R3HDML: variants seen among roughly 807,000 people sequenced by gnomAD.
The protein encoded by R3HDML is R3H domain containing like.
Under a neutral mutation model 24.2 loss-of-function variants are expected in R3HDML, and 21 were observed. The ratio of observed to expected loss-of-function variants is 0.87; its 90% CI spans 0.62 to 1.25. The LOEUF is 1.25. Among genes scored for constraint, R3HDML ranks in the 50% most tolerant of loss-of-function variants. R3HDML has a pLI of 0.00. For missense variants in R3HDML, 301 were observed against 340.3 expected, an observed-to-expected ratio of 0.88 and a Z score of 0.91; for synonymous variants, 133 against 131.5, an observed-to-expected ratio of 1.01 and a Z score of -0.08.
Position 44,337,112 on chromosome 20 carries a change from C to T in R3HDML, c.-46C>T. 1 of 1,573,474 alleles carries T rather than the reference C, an allele frequency of 6.4e-7. No individual in the cohort carries two copies. The highest frequency in any genetic ancestry group is 8.7e-7 in the Non-Finnish European group (1 of 1,156,054). ...TCTCGTGCCTGCCCCTTCCAGGCAG[C>T]CGGCTCTGATTGCACAAGGCAGACC... On this transcript the variant is annotated 5_prime_UTR_variant, in exon 1 of 5. Transcript: ENST00000217043. This position sits in a 1 kb window ranked among gnomAD's most constrained non-coding sequence, Gnocchi z 4.7.
chr20:44,345,149 A>G, intron 3 of R3HDML, 114 bp from the exon 4 acceptor site: 1 of 803,268 alleles, frequency 1.2e-6, no homozygotes. Flanking sequence ...ACACCTTGGA[A>G]CAGGCAGACT....
In R3HDML at chr20:44,345,393, C is replaced by G; in HGVS notation, c.629+15C>G. On this transcript the variant is annotated intron_variant, in intron 4 of 4. Coordinates refer to ENST00000217043, the MANE Select transcript of R3HDML (RefSeq NM_178491.4). ...TATGCCATTAAGTAAGTGCCTGCAC[C>G]AAGGCAAAGAGGGCCCTGGGGCCGG... 6.3e-7 allele frequency: 1 copy of G among 1,593,706 alleles called. No homozygotes were observed. Among genetic ancestry groups the G allele is most frequent in the Admixed American group, 1.7e-5 (1 of 58,754 alleles).
chr20:44,342,447 C>T (rs943588942), intron 2 of R3HDML, among the ~76,000 whole-genome samples: 2 of 152,078 alleles, frequency 1.3e-5, no homozygotes, highest in Non-Finnish European at 2.9e-5. Flanking sequence ...ATTTCACTTT[C>T]CCTCTCCCCC....
At position 44,337,258 on chromosome 20, in the gene R3HDML, C is replaced by A; in HGVS notation, c.101C>A (p.Ala34Asp). The change falls in exon 1 of 5, where the codon GCC (alanine) becomes GAC (aspartate). Residue 34 changes from alanine to aspartate, a missense_variant. Ala to Asp is a moderately radical substitution (Grantham distance 126). Transcript: ENST00000217043. The surrounding 1 kb of genome is among the most constrained non-coding windows in gnomAD (Gnocchi z 4.7). ...LIMPNATPAP[A>D]QPESTAMRLL... is the part of the protein sequence containing the mutation. ...ATGCCTAATGCTACCCCAGCCCCGG[C>A]CCAGCCCGAGAGCACGGCTATGCGG... is the stretch of plus-strand genomic sequence containing the variant. 6.2e-7 allele frequency: 1 copy of A among 1,614,134 alleles called. No homozygotes were observed. Among genetic ancestry groups the A allele is most frequent in the Non-Finnish European group, 8.5e-7 (1 of 1,180,034 alleles).
In R3HDML at chr20:44,337,052, G is replaced by A. The variant is rs1332299002; in HGVS notation, c.-106G>A. ...GTTCCCAGGAGGCAGCATCCTCTGGGTCGGCACTGTTGGAGAACGCTCAGG... is the reference window on the plus strand; with the variant it reads ...GTTCCCAGGAGGCAGCATCCTCTGGATCGGCACTGTTGGAGAACGCTCAGG... On this transcript the variant is annotated 5_prime_UTR_variant, in exon 1 of 5. Coordinates refer to ENST00000217043, the MANE Select transcript of R3HDML (RefSeq NM_178491.4). The surrounding 1 kb of genome is among the most constrained non-coding windows in gnomAD (Gnocchi z 4.7). 2 of 1,399,532 alleles carry A rather than the reference G, an allele frequency of 1.4e-6. No homozygotes were observed. Among genetic ancestry groups the A allele is most frequent in the East Asian group, 4.6e-5 (2 of 43,124 alleles). 86.7% of individuals were successfully genotyped at this position (1,399,532 alleles called of 1,614,324 possible). A position where few individuals can be genotyped will look rare whatever the true frequency, so the allele number is the denominator to read the frequency against.
intron 2 of R3HDML, 28 bp downstream of exon 2, chr20:44,341,342 T>G (rs2062771902): frequency 6.5e-7 from 1 of 1,540,164 alleles, no homozygotes; most frequent in Non-Finnish European, 9.0e-7. Flanking sequence ...CTTCCTTCAC[T>G]CAGTCATTCA....
chr20:44,337,057 C>A lies in R3HDML; in HGVS notation c.-101C>A. ...CAGGAGGCAGCATCCTCTGGGTCGG[C>A]ACTGTTGGAGAACGCTCAGGGTCTG... On this transcript the variant is annotated 5_prime_UTR_variant, in exon 1 of 5. Coordinates refer to ENST00000217043, the MANE Select transcript of R3HDML (RefSeq NM_178491.4). The surrounding 1 kb of genome is among the most constrained non-coding windows in gnomAD (Gnocchi z 4.7). The A allele has an allele frequency of 4.9e-6, 7 of 1,435,344 alleles. No homozygotes were observed. Among genetic ancestry groups the A allele is most frequent in the Non-Finnish European group, 6.5e-6 (7 of 1,068,794 alleles). The allele number at this position is 1,435,344 out of a possible 1,614,324, so 88.9% of individuals were successfully genotyped here.
At chr20:44,342,093 G>C (rs1600599672) in intron 2 of R3HDML, among the ~76,000 whole-genome samples, 1 of 152,232 alleles carries the variant, frequency 6.6e-6, no homozygotes, top group Non-Finnish European at 1.5e-5. Flanking sequence ...GTAAAACAAA[G>C]TTGTTAGCCT....
chr20:44,350,916 T>C lies in R3HDML; in HGVS notation c.*124T>C, dbSNP rs536748079. On this transcript the variant is annotated 3_prime_UTR_variant, in exon 5 of 5. Transcript: ENST00000217043. Reference sequence around the variant, plus strand: ...TGAGTTAGAATCACCCCCTGTTGAATTTTCCCTCCTAGATCCCCTTCTTAA... The same window carrying C: ...TGAGTTAGAATCACCCCCTGTTGAACTTTCCCTCCTAGATCCCCTTCTTAA... 3.2e-5 allele frequency: 36 copies of C among 1,131,916 alleles called. 1 individual carries two copies. The African/African-American group carries it at 5.7e-4, about 18-fold the overall frequency. 70.1% of individuals were successfully genotyped at this position (1,131,916 alleles called of 1,614,324 possible).
At chr20:44,338,666 AC>A (rs1380131564) in intron 1 of R3HDML, among the ~76,000 whole-genome samples, 1 of 152,128 alleles carries the variant, frequency 6.6e-6, no homozygotes. Flanking sequence ...TCAATATCTC[AC>A]CAGGGACTCC....
At chr20:44,343,345 C>T (rs2062777056) in intron 2 of R3HDML, 32 bp from the exon 3 acceptor site, 2 of 1,606,064 alleles carry the variant, frequency 1.2e-6, no homozygotes, top group Admixed American at 3.4e-5. Context: ...CATCCTCTCA[C>T]CCAGCTTCTT....
chr20:44,337,767 A>G lies in R3HDML; in HGVS notation c.261+349A>G, dbSNP rs1384824097. Among the ~76,000 whole-genome samples the G allele has an allele frequency of 6.6e-6, 1 of 152,208 alleles. No individual in the cohort carries two copies. The highest frequency in any genetic ancestry group is 2.4e-5 in the African/African-American group (1 of 41,448). On this transcript the variant is annotated intron_variant, in intron 1 of 4. Coordinates refer to ENST00000217043, the MANE Select transcript of R3HDML (RefSeq NM_178491.4). This position sits in a 1 kb window ranked among gnomAD's most constrained non-coding sequence, Gnocchi z 4.7. The stretch of plus-strand genomic sequence containing the variant: ...ATTTGCCCAGCCAGGATTTCAATCC[A>G]GGTCTGCCTGCTGCCACCTGGCACC...
chr20:44,348,388 A>G (rs1416575491), intron 4 of R3HDML, among the ~76,000 whole-genome samples: 3 of 151,936 alleles, frequency 2.0e-5, no homozygotes, highest in Non-Finnish European at 2.9e-5. Context: ...TTTTATCTTG[A>G]CAGGCTTCGG....
At chr20:44,347,570 T>A (rs1354287596) in intron 4 of R3HDML, 2 of 152,122 alleles carry the variant, frequency 1.3e-5, no homozygotes, top group Admixed American at 1.3e-4. Flanking sequence ...TCACATAGCC[T>A]TTAATCATTT....
intron 2 of R3HDML, among the ~76,000 whole-genome samples, chr20:44,341,574 A>G (rs1429950489): frequency 1.3e-5 from 2 of 152,152 alleles, no homozygotes; most frequent in Non-Finnish European, 2.9e-5. Flanking sequence ...GTGAGGAGGG[A>G]TTGGAAGACT....
rs147224452 is a variant in R3HDML at position 44,339,273 on chromosome 20, T to A, written c.261+1855T>A. Among the ~76,000 whole-genome samples the A allele has an allele frequency of 4.7e-4, 72 of 152,238 alleles. 1 individual carries two copies. In the East Asian group the frequency reaches 9.3e-3, roughly 20 times the overall value. ...ACTCTCACACCGACCAGGACTGTAA[T>A]AATCAATGACTTGTTGAAGGCCTTG... On this transcript the variant is annotated intron_variant, in intron 1 of 4. Transcript: ENST00000217043.
chr20:44,348,503 T>TCCTTTA (rs1555804772), intron 4 of R3HDML, among the ~76,000 whole-genome samples: 8 of 121,164 alleles, frequency 6.6e-5, no homozygotes, highest in African/African-American at 1.9e-4. Flanking sequence ...TCCTTTCCTT[T>TCCTTTA]CCTTTCCTTT....
In R3HDML at chr20:44,345,358, G is replaced by A. The variant is rs2062783580; in HGVS notation, c.609G>A (p.Leu203=). 6.2e-7 allele frequency: 1 copy of A among 1,613,526 alleles called. No homozygotes were observed. Among genetic ancestry groups the A allele is most frequent in the African/African-American group, 1.3e-5 (1 of 74,930 alleles). Residue 203 remains leucine (L), a synonymous_variant, in exon 4 of 5, where the codon CTG becomes CTA. Transcript: ENST00000217043. ...ACACCTGGCATCGGGCGGCATACCT[G>A]GTCTGCAACTATGCCATTAAGTAAG... is the stretch of plus-strand genomic sequence containing the variant. ...WGNTWHRAAY[L]VCNYAIKGNW...
rs1303511124 is a variant in R3HDML, at chr20:44,350,744, C to T, written c.714C>T (p.Ser238=). The part of the protein sequence containing the change: ...CPPSYQGSCN[S]NMCFKGLKSN... ...CCAGTTATCAAGGCAGCTGCAATAGCAACATGTGCTTCAAGGGGCTGAAAT... is the reference window on the plus strand; with the variant it reads ...CCAGTTATCAAGGCAGCTGCAATAGTAACATGTGCTTCAAGGGGCTGAAAT... The change falls in exon 5 of 5, where the codon AGC becomes AGT. Residue 238 remains serine, a synonymous_variant. Transcript: ENST00000217043. 2 of 1,614,114 alleles carry T rather than the reference C, an allele frequency of 1.2e-6. No homozygotes were observed. The highest frequency in any genetic ancestry group is 3.3e-5 in the Admixed American group (2 of 60,000).
Sources: gnomAD v4.1 joint callset for allele counts (sites outside exome capture counted in the v4.1 genomes callset) on GRCh38, gnomAD v4.1.1 for gene constraint, Gnocchi (gnomAD v3.1) non-coding constraint, MANE v1.5 for transcripts, NCBI Gene and HGNC (gene_info 2026-07-23, HGNC 2026-07-21) for gene names.